Variants in FARS2 observed in about 807,000 individuals in gnomAD.
FARS2 encodes the protein phenylalanine--tRNA ligase, mitochondrial.
A neutral mutation model predicts 46.4 loss-of-function variants in FARS2; 40 were observed. The observed-to-expected ratio is 0.86, with a 90% CI of 0.67 to 1.12. FARS2 has a LOEUF of 1.12. Among genes scored for constraint, FARS2 ranks in the 50% most tolerant of loss-of-function variants. FARS2 has a pLI of 0.00. For missense variants in FARS2, 513 were observed against 567.9 expected (o/e 0.90, Z 0.98); for synonymous variants, 234 against 214.9 (o/e 1.09, Z -0.78).
At chr6:5,350,836 C>T (rs1189791776) in intron 1 of FARS2, among the ~76,000 whole-genome samples, 1 of 152,174 alleles carries the variant, frequency 6.6e-6, no homozygotes, top group Non-Finnish European at 1.5e-5. Flanking sequence ...GCAGGTTAAT[C>T]TATAGTTATG....
chr6:5,495,321 G>A (rs931799214), intron 4 of FARS2, among the ~76,000 whole-genome samples: 2 of 152,156 alleles, frequency 1.3e-5, no homozygotes, highest in African/African-American at 2.4e-5. Context: ...TTTCTACATC[G>A]TCGTAATTCT....
intron 6 of FARS2, among the ~76,000 whole-genome samples, chr6:5,738,380 A>C (rs1024833029): frequency 6.6e-6 from 1 of 152,262 alleles, no homozygotes; most frequent in South Asian, 2.1e-4. Context: ...CAGAGGAAAC[A>C]GAACCCTAAA....
chr6:5,429,097 G>GT (rs972312781), intron 3 of FARS2, among the ~76,000 whole-genome samples: 1 of 152,198 alleles, frequency 6.6e-6, no homozygotes, highest in African/African-American at 2.4e-5. Context: ...GAGTGGGGCA[G>GT]TGGGCAGGTG....
At chr6:5,291,374 AC>A (rs1767493392) in intron 1 of FARS2, 1 of 152,222 alleles carries the variant, frequency 6.6e-6, no homozygotes, top group Non-Finnish European at 1.5e-5. Context: ...GCTGCTAAAA[AC>A]AGTTCTCTGA....
chr6:5,633,729 CTATT>C lies in FARS2; in HGVS notation c.1217+20413_1217+20416del, dbSNP rs146814169. On this transcript the variant is annotated intron_variant, in intron 6 of 6. Coordinates refer to ENST00000274680, the MANE Select transcript of FARS2 (RefSeq NM_006567.5). ...ATGGCAAAATTATAGCTATTTGCAT[CTATT>C]TATCAGAGCATTTGTTATGACTGGT... is the stretch of plus-strand genomic sequence containing the variant. Among the ~76,000 whole-genome samples, 818 of 152,222 alleles carry C rather than the reference CTATT, an allele frequency of 5.4e-3. 4 individuals carry two copies. The highest frequency in any genetic ancestry group is 8.6e-3 in the Non-Finnish European group (584 of 68,012).
intron 6 of FARS2, among the ~76,000 whole-genome samples, chr6:5,724,146 G>A (rs988463549): frequency 2.6e-5 from 4 of 152,170 alleles, no homozygotes; most frequent in African/African-American, 4.8e-5. Context: ...TAGAATCTGC[G>A]CCATTAGGCA....
At chr6:5,412,733 G>T (rs987125386) in intron 3 of FARS2, among the ~76,000 whole-genome samples, 1 of 152,202 alleles carries the variant, frequency 6.6e-6, no homozygotes, top group Admixed American at 6.5e-5. Flanking sequence ...AATTGTAAGT[G>T]TGTATCACTT....
intron 4 of FARS2, among the ~76,000 whole-genome samples, chr6:5,461,411 C>T (rs763914224): frequency 1.1e-4 from 17 of 152,038 alleles, no homozygotes; most frequent in Non-Finnish European, 2.4e-4. Context: ...TTTTTAATAG[C>T]TTATTGAGGA....
At chr6:5,758,638 C>A (rs752129972) in intron 6 of FARS2, among the ~76,000 whole-genome samples, 3 of 152,196 alleles carry the variant, frequency 2.0e-5, no homozygotes, top group Non-Finnish European at 2.9e-5. Flanking sequence ...AAGGATTTCT[C>A]TCTCTTTGGA....
intron 4 of FARS2, among the ~76,000 whole-genome samples, chr6:5,521,966 T>C (rs1038974893): frequency 2.2e-4 from 33 of 152,190 alleles, no homozygotes; most frequent in African/African-American, 7.5e-4. Flanking sequence ...TCATTGACCT[T>C]AAGAGTTTGG....
upstream of FARS2, among the ~76,000 whole-genome samples, chr6:5,259,630 G>T (rs969612916): frequency 1.3e-5 from 2 of 152,286 alleles, no homozygotes; most frequent in African/African-American, 4.8e-5. Flanking sequence ...GCTGGAGGGG[G>T]GCCTACCTAA....
intron 6 of FARS2, among the ~76,000 whole-genome samples, chr6:5,703,361 T>G (rs1328896516): frequency 2.6e-5 from 4 of 152,108 alleles, no homozygotes; most frequent in Non-Finnish European, 5.9e-5. Context: ...GTACATTATT[T>G]TAGAAAATAA....
At chr6:5,563,918 T>G (rs960399922) in intron 5 of FARS2, among the ~76,000 whole-genome samples, 2 of 152,198 alleles carry the variant, frequency 1.3e-5, no homozygotes, top group African/African-American at 4.8e-5. Flanking sequence ...CAATTTTGAC[T>G]TGATTTTTAA....
chr6:5,654,165 G>A (rs1777499972), intron 6 of FARS2, among the ~76,000 whole-genome samples: 1 of 152,184 alleles, frequency 6.6e-6, no homozygotes, highest in Non-Finnish European at 1.5e-5. Context: ...CAGGAGCAGA[G>A]ACCTTCTGTG....
Position 5,261,822 on chromosome 6 carries a change from T to C in FARS2, c.-22+162T>C, listed in dbSNP as rs569336869. 2.0e-5 allele frequency among the ~76,000 whole-genome samples: 3 copies of C among 152,378 alleles called. No individual in the cohort carries two copies. The East Asian group carries it at 5.8e-4, about 29-fold the overall frequency. The stretch of plus-strand genomic sequence containing the variant: ...CCTAATAAATGCATAAAATGCAGCT[T>C]GGGTTGTAGACTTTGGAGAATAATT... On this transcript the variant is annotated intron_variant, in intron 1 of 6. Coordinates refer to ENST00000274680, the MANE Select transcript of FARS2 (RefSeq NM_006567.5).
chr6:5,365,346 TAGTGA>T (rs1758593203), intron 1 of FARS2, among the ~76,000 whole-genome samples: 1 of 122,116 alleles, frequency 8.2e-6, no homozygotes, highest in African/African-American at 3.3e-5. Flanking sequence ...TTTTTTTTTT[TAGTGA>T]GGCAGAGTCT....
intron 4 of FARS2, among the ~76,000 whole-genome samples, chr6:5,510,185 A>G (rs1291801028): frequency 6.6e-6 from 1 of 152,108 alleles, no homozygotes; most frequent in African/African-American, 2.4e-5. Context: ...ATTTTGCCTC[A>G]TTTCAAATTT....
chr6:5,411,936 CTT>C (rs1430821465), intron 3 of FARS2, among the ~76,000 whole-genome samples: 1 of 152,174 alleles, frequency 6.6e-6, no homozygotes, highest in East Asian at 1.9e-4. Flanking sequence ...GGATTTCTAA[CTT>C]TTAAATTTCT....
chr6:5,586,154 T>C (rs1773602208), intron 5 of FARS2, among the ~76,000 whole-genome samples: 1 of 152,214 alleles, frequency 6.6e-6, no homozygotes, highest in African/African-American at 2.4e-5. Flanking sequence ...TGAGCTCATA[T>C]TATCTTCAAA....
Sources: gnomAD v4.1 joint callset for allele counts (sites outside exome capture counted in the v4.1 genomes callset) on GRCh38, gnomAD v4.1.1 for gene constraint, MANE v1.5 for transcripts, NCBI Gene and HGNC (gene_info 2026-07-23, HGNC 2026-07-21) for gene names.